Variants in CFLAR observed in about 807,000 individuals in gnomAD.
CFLAR encodes CASP8 and FADD like apoptosis regulator, also known as CASP8 and FADD-like apoptosis regulator.
A neutral mutation model predicts 51.1 loss-of-function variants in CFLAR; 14 were observed. The observed-to-expected ratio is 0.27, with a 90% confidence interval of 0.18 to 0.43. CFLAR has a LOEUF of 0.43. Among genes scored for constraint, CFLAR ranks in the 20% least tolerant of loss-of-function variants. The pLI, the probability that CFLAR is intolerant of heterozygous loss-of-function variation, is 1.00. For missense variants in CFLAR, 390 were observed against 566.5 expected, an observed-to-expected ratio of 0.69 and a Z score of 3.16; for synonymous variants, 210 against 211.6, an observed-to-expected ratio of 0.99 and a Z score of 0.06.
At chr2:201,132,967 G>A in intron 2 of CFLAR, 62 bp from the exon 3 acceptor site, 1 of 1,561,858 alleles carries the variant, frequency 6.4e-7, no homozygotes, top group Non-Finnish European at 8.8e-7. Flanking sequence ...GGAGGCGTGG[G>A]CACTTGGAGT....
chr2:201,158,274 G>A (rs914621363), intron 8 of CFLAR, among the ~76,000 whole-genome samples: 1 of 152,204 alleles, frequency 6.6e-6, no homozygotes, highest in Admixed American at 6.5e-5. Context: ...TGTGACAGGG[G>A]CTTCCCCAGC....
intron 3 of CFLAR, among the ~76,000 whole-genome samples, chr2:201,134,403 G>T (rs1032886847): frequency 3.9e-5 from 6 of 152,080 alleles, no homozygotes; most frequent in Non-Finnish European, 7.4e-5. Context: ...GGGAGGCTGA[G>T]CCGGGCAGAT....
chr2:201,138,344 G>A lies in CFLAR; in HGVS notation c.524-2013G>A, dbSNP rs889458547. The A allele has an allele frequency of 1.0e-5, 8 of 769,500 alleles. 1 individual carries two copies. The highest frequency in any genetic ancestry group is 8.2e-5 in the South Asian group (6 of 73,266). 47.7% of individuals were successfully genotyped at this position (769,500 alleles called of 1,614,324 possible). The stretch of plus-strand genomic sequence containing the variant: ...TGCCCCGCCCAGCAGCTGCTCATGG[G>A]AATCCTTGGAGGCCACAGGGTAGTC... On this transcript the variant is annotated intron_variant, in intron 4 of 9. Transcript: ENST00000309955. This position sits in a 1 kb window ranked among gnomAD's most constrained non-coding sequence, Gnocchi z 4.0.
intron 1 of CFLAR, among the ~76,000 whole-genome samples, chr2:201,120,770 TC>T (rs1332069023): frequency 2.6e-5 from 4 of 152,250 alleles, no homozygotes; most frequent in African/African-American, 9.6e-5. Context: ...CTTTTTATCT[TC>T]CCTTTGGCTT....
intron 4 of CFLAR, chr2:201,136,743 T>C: frequency 2.1e-6 from 1 of 471,404 alleles, no homozygotes; most frequent in Non-Finnish European, 3.8e-6. Flanking sequence ...TACCCCAACA[T>C]ACTCTAAATG....
intron 1 of CFLAR, among the ~76,000 whole-genome samples, chr2:201,127,684 C>A (rs6728771): frequency 0.3 from 45,742 of 152,054 alleles, 9,634 homozygotes; most frequent in African/African-American, 0.6. Flanking sequence ...ACACACGCTG[C>A]TATTTTGTTG....
intron 8 of CFLAR, chr2:201,150,333 C>CA (rs56975072): frequency 0.3 from 40,538 of 135,228 alleles, 6,286 homozygotes; most frequent in African/African-American, 0.43. Flanking sequence ...GATTCTGTCT[C>CA]AAAAAAAAAA....
At chr2:201,122,930 A>G (rs1445614069) in intron 1 of CFLAR, among the ~76,000 whole-genome samples, 1 of 152,184 alleles carries the variant, frequency 6.6e-6, no homozygotes, top group Non-Finnish European at 1.5e-5. Flanking sequence ...AAGTTTGTCT[A>G]TAGTATTATG....
Position 201,176,286 on chromosome 2 carries a change from G to C in CFLAR, c.*12313G>C, listed in dbSNP as rs373720470. 10 of 121,286 alleles carry C rather than the reference G, an allele frequency of 8.2e-5. 3 individuals carry two copies. The highest frequency in any genetic ancestry group is 3.5e-4 in the African/African-American group (10 of 28,286). 7.5% of individuals were successfully genotyped at this position (121,286 alleles called of 1,614,324 possible). On this transcript the variant is annotated 3_prime_UTR_variant, in exon 10 of 10. Transcript: ENST00000309955. ...TCAGGTGTTTTCTATTGCGGGGGGG[G>C]GGGGCGGGCGGGGGAGCTGCCTGTC... is the stretch of plus-strand genomic sequence containing the variant.
intron 1 of CFLAR, among the ~76,000 whole-genome samples, chr2:201,117,313 A>G (rs1394067064): frequency 6.6e-6 from 1 of 152,128 alleles, no homozygotes; most frequent in Non-Finnish European, 1.5e-5. Context: ...GGAAATGTAA[A>G]CTGGCTTCAA....
intron 1 of CFLAR, among the ~76,000 whole-genome samples, chr2:201,120,023 C>CTTTTTTT (rs34076189): frequency 2.0e-4 from 23 of 112,314 alleles, no homozygotes; most frequent in Admixed American, 2.8e-4. Flanking sequence ...CTTTTCTTTT[C>CTTTTTTT]TTTTTTTTTT....
chr2:201,129,920 G>C lies in CFLAR; in HGVS notation c.55G>C (p.Glu19Gln). 1 of 1,614,164 alleles carries C rather than the reference G, an allele frequency of 6.2e-7. No homozygotes were observed. Among genetic ancestry groups the C allele is most frequent in the Non-Finnish European group, 8.5e-7 (1 of 1,180,024 alleles). ...AGAAGCACTTGATACAGATGAGAAGGAGATGCTGCTCTTTTTGTGCCGGGA... is the reference window on the plus strand; with the variant it reads ...AGAAGCACTTGATACAGATGAGAAGCAGATGCTGCTCTTTTTGTGCCGGGA... ...VEEALDTDEK[E>Q]MLLFLCRDVA... is the part of the protein sequence containing the mutation. The change falls in exon 2 of 10, where the codon GAG becomes CAG. Residue 19 changes from glutamate to glutamine, a missense_variant. Transcript: ENST00000309955.
intron 1 of CFLAR, 33 bp from the exon 2 acceptor site, chr2:201,129,696 A>G: frequency 1.6e-6 from 1 of 631,374 alleles, no homozygotes; most frequent in Non-Finnish European, 2.7e-6. Context: ...TTAGCTTGAT[A>G]AGATTTTCAG....
At chr2:201,147,240 G>A (rs1457992850) in intron 6 of CFLAR, among the ~76,000 whole-genome samples, 1 of 151,966 alleles carries the variant, frequency 6.6e-6, no homozygotes, top group Non-Finnish European at 1.5e-5. Context: ...AAAGAAAAAG[G>A]TTTCTGGGCT....
chr2:201,130,245 C>T, intron 2 of CFLAR, 99 bp downstream of exon 2: 1 of 1,132,294 alleles, frequency 8.8e-7, no homozygotes, highest in South Asian at 2.0e-5. Flanking sequence ...GAAGTGCAGC[C>T]ACTTTACTGT....
chr2:201,157,903 T>A (rs573462965), intron 8 of CFLAR: 1 of 152,390 alleles, frequency 6.6e-6, no homozygotes, highest in South Asian at 2.1e-4. Context: ...AGCGGTAATG[T>A]CTTCAGGCTG....
At position 201,163,390 on chromosome 2, in the gene CFLAR, C is replaced by T. The variant is rs940096025; in HGVS notation, c.1305-445C>T. ...AATTTAGAATGATGTTTCTGAGCCA[C>T]CTGTCAAATGCATTCTGGGCTGTAC... On this transcript the variant is annotated intron_variant, in intron 9 of 9. Transcript: ENST00000309955. The T allele has an allele frequency of 7.5e-5, 86 of 1,142,960 alleles. No individual in the cohort carries two copies. In the African/African-American group the frequency reaches 1.2e-3, roughly 16 times the overall value. The allele number at this position is 1,142,960 out of a possible 1,614,324, so 70.8% of individuals were successfully genotyped here. A position where few individuals can be genotyped will look rare whatever the true frequency, so the allele number is the denominator to read the frequency against.
Position 201,174,094 on chromosome 2 carries a change from A to G in CFLAR, c.*10121A>G, listed in dbSNP as rs1291849317. ...CATGGATTGTCTTCTCACTTTCTGG[A>G]TACTATACAGTACAAGTTTTAAATT... On this transcript the variant is annotated 3_prime_UTR_variant, in exon 10 of 10. Coordinates refer to ENST00000309955, the MANE Select transcript of CFLAR (RefSeq NM_003879.7). 1.3e-5 allele frequency: 2 copies of G among 152,182 alleles called. No individual in the cohort carries two copies. Among genetic ancestry groups the G allele is most frequent in the Non-Finnish European group, 2.9e-5 (2 of 68,030 alleles). 9.4% of individuals were successfully genotyped at this position (152,182 alleles called of 1,614,324 possible).
chr2:201,146,835 G>A (rs866363953), intron 6 of CFLAR: 2 of 152,214 alleles, frequency 1.3e-5, no homozygotes, highest in Admixed American at 1.3e-4. Flanking sequence ...GATATCTTAC[G>A]ACTCAGTCTT....
Sources: allele counts gnomAD v4.1 joint callset (sites outside exome capture counted in the v4.1 genomes callset), GRCh38; gene constraint gnomAD v4.1.1; non-coding constraint Gnocchi (gnomAD v3.1); transcripts MANE v1.5; gene names NCBI Gene and HGNC (gene_info 2026-07-23, HGNC 2026-07-21).